ZNG1A: variants seen among roughly 807,000 people sequenced by gnomAD.
ZNG1A encodes zinc-regulated GTPase metalloprotein activator 1A.
At chr9:139,027 G>A in the ZNG1A span, among the ~76,000 whole-genome samples, 38 of 149,504 alleles carry the variant, frequency 2.5e-4, no homozygotes, top group African/African-American at 8.1e-4. Context: ...CCAGAGACAT[G>A]TCCATTTTCA....
the ZNG1A span, chr9:121,326 CATTTT>C: frequency 6.3e-6 from 5 of 793,514 alleles, no homozygotes; most frequent in Non-Finnish European, 8.1e-6. Flanking sequence ...TGATTTGCTA[CATTTT>C]ATGTATGCTG....
the ZNG1A span, among the ~76,000 whole-genome samples, chr9:138,115 G>T: frequency 6.6e-6 from 1 of 151,732 alleles, no homozygotes; most frequent in Non-Finnish European, 1.5e-5. Flanking sequence ...CTACTAAATG[G>T]AACTAGAAAA....
chr9:164,036 A>G, the ZNG1A span: 3 of 1,584,552 alleles, frequency 1.9e-6, no homozygotes, highest in African/African-American at 4.2e-5. Context: ...AAGCCACTGC[A>G]CCTGAAAATA....
chr9:171,384 C>A, the ZNG1A span, among the ~76,000 whole-genome samples: 1 of 151,862 alleles, frequency 6.6e-6, no homozygotes, highest in African/African-American at 2.4e-5. Context: ...TAAGCACTAA[C>A]TTTTATGCAA....
chr9:167,096 G>T, the ZNG1A span: 2 of 137,670 alleles, frequency 1.5e-5, no homozygotes, highest in African/African-American at 2.6e-5. Context: ...AGGCATTTTA[G>T]ATTAAAAAAA....
the ZNG1A span, among the ~76,000 whole-genome samples, chr9:158,974 T>G: frequency 0.019 from 2,929 of 152,198 alleles, 80 homozygotes; most frequent in African/African-American, 0.062. Flanking sequence ...AAAAGAACAT[T>G]CTCCAATAAT....
chr9:127,337 A>G, the ZNG1A span, among the ~76,000 whole-genome samples: 2 of 151,632 alleles, frequency 1.3e-5, no homozygotes, highest in Non-Finnish European at 2.9e-5. Context: ...TCTATTAGTA[A>G]TTCTTTTATA....
chr9:177,979 C>A, the ZNG1A span, among the ~76,000 whole-genome samples: 4 of 147,606 alleles, frequency 2.7e-5, no homozygotes, highest in African/African-American at 1.0e-4. Flanking sequence ...GTACCTGTCT[C>A]TAGCAACAAC....
chr9:131,953 A>T, the ZNG1A span, among the ~76,000 whole-genome samples: 1 of 137,510 alleles, frequency 7.3e-6, no homozygotes, highest in African/African-American at 2.9e-5. Context: ...CTACTCATCT[A>T]TAAGATTCTC....
chr9:129,211 G>A, the ZNG1A span, among the ~76,000 whole-genome samples: 2 of 152,140 alleles, frequency 1.3e-5, no homozygotes, highest in African/African-American at 4.8e-5. Flanking sequence ...GTATGGAAAG[G>A]AACAGGTGAT....
the ZNG1A span, among the ~76,000 whole-genome samples, chr9:156,302 T>C: frequency 6.6e-6 from 1 of 151,446 alleles, no homozygotes; most frequent in African/African-American, 2.4e-5. Flanking sequence ...TGACTTTAAG[T>C]AAAAGTTTAG....
the ZNG1A span, among the ~76,000 whole-genome samples, chr9:133,243 G>A: frequency 1.5e-5 from 2 of 129,814 alleles, no homozygotes; most frequent in African/African-American, 6.1e-5. Context: ...CCCTTTGGCT[G>A]TGATACTATT....
the ZNG1A span, chr9:146,157 C>T: frequency 6.4e-7 from 1 of 1,572,496 alleles, no homozygotes; most frequent in Non-Finnish European, 8.6e-7. Context: ...GAGAGATCAA[C>T]TCTAAAAGGA....
the ZNG1A span, chr9:153,951 T>C: frequency 6.6e-6 from 1 of 152,202 alleles, no homozygotes; most frequent in African/African-American, 2.4e-5. Flanking sequence ...TTTTATTAGT[T>C]CAGGTCTTAC....
chr9:163,511 T>C, the ZNG1A span, among the ~76,000 whole-genome samples: 3 of 151,872 alleles, frequency 2.0e-5, no homozygotes, highest in Non-Finnish European at 4.4e-5. Flanking sequence ...TTAATCTATA[T>C]GAACAAAGAT....
the ZNG1A span, among the ~76,000 whole-genome samples, chr9:163,137 T>C: frequency 6.6e-6 from 1 of 152,016 alleles, no homozygotes; most frequent in African/African-American, 2.4e-5. Flanking sequence ...AATTTCTTAA[T>C]GATTATTACT....
the ZNG1A span, among the ~76,000 whole-genome samples, chr9:171,151 A>G: frequency 1.2e-4 from 19 of 152,228 alleles, no homozygotes; most frequent in African/African-American, 4.3e-4. Flanking sequence ...GCCTAATTCA[A>G]TACTACTTTG....
chr9:146,197 T>C, the ZNG1A span: 8 of 1,584,446 alleles, frequency 5.0e-6, no homozygotes, highest in Non-Finnish European at 4.3e-6. Context: ...TTGGAAATTC[T>C]GTGAAATACA....
the ZNG1A span, chr9:160,128 T>C: frequency 2.2e-6 from 1 of 454,690 alleles, no homozygotes; most frequent in African/African-American, 2.0e-5. Context: ...TTTTAAGTTG[T>C]CCAATTCTTT....
Sources: gnomAD v4.1 joint callset for allele counts (sites outside exome capture counted in the v4.1 genomes callset) on GRCh38, gnomAD v4.1.1 for gene constraint, MANE v1.5 for transcripts, NCBI Gene and HGNC (gene_info 2026-07-23, HGNC 2026-07-21) for gene names.